The following SLC6A15 variants were observed in gnomAD, a reference collection of about 807,000 sequenced individuals.
The protein encoded by SLC6A15 is solute carrier family 6 member 15, also known as sodium-dependent neutral amino acid transporter B(0)AT2.
SLC6A15 carries 33 observed loss-of-function variants against 68.5 expected under a neutral mutation model. The ratio of observed to expected loss-of-function variants is 0.48; its 90% CI spans 0.37 to 0.64. The LOEUF (loss-of-function observed/expected upper bound fraction) is 0.64, where lower values mean the gene tolerates loss of function less well. SLC6A15 is among the 30% of genes least tolerant of loss of function. SLC6A15 has a pLI of 0.00. For synonymous variants in SLC6A15, 347 were observed against 301.0 expected (o/e 1.15, Z -1.58); for missense variants, 747 against 874.3 (o/e 0.85, Z 1.84).
intron 5 of SLC6A15, among the ~76,000 whole-genome samples, chr12:84,878,867 C>A (rs556815959): frequency 6.8e-6 from 1 of 147,826 alleles, no homozygotes; most frequent in South Asian, 2.1e-4. Flanking sequence ...AATAGCACAA[C>A]ACCTTTCAGT....
intron 5 of SLC6A15, chr12:84,881,783 C>A (rs950008626): frequency 4.3e-6 from 4 of 932,614 alleles, no homozygotes; most frequent in Admixed American, 6.2e-5. Flanking sequence ...TAGGTAAACA[C>A]AAAGCTTAAC....
intron 1 of SLC6A15, among the ~76,000 whole-genome samples, chr12:84,899,479 C>T (rs1207939163): frequency 1.3e-5 from 2 of 152,152 alleles, no homozygotes; most frequent in Non-Finnish European, 2.9e-5. Context: ...TAAATACTAC[C>T]GTAGTCATGG....
intron 1 of SLC6A15, among the ~76,000 whole-genome samples, chr12:84,902,518 AT>A (rs1872931592): frequency 6.7e-6 from 1 of 148,466 alleles, no homozygotes; most frequent in African/African-American, 2.5e-5. Flanking sequence ...TCACAGAAAA[AT>A]AAAAAAAAAC....
chr12:84,910,924 T>TCTCTCTCTCTCTCTCTC (rs1873406258), intron 1 of SLC6A15, among the ~76,000 whole-genome samples: 2 of 134,602 alleles, frequency 1.5e-5, no homozygotes, highest in Admixed American at 7.0e-5. Flanking sequence ...AGCCGCCCTC[T>TCTCTCTCTCTCTCTCTC]TTCCGTGTGT....
chr12:84,909,777 C>T (rs750285214), intron 1 of SLC6A15, among the ~76,000 whole-genome samples: 3 of 152,128 alleles, frequency 2.0e-5, no homozygotes, highest in Non-Finnish European at 2.9e-5. Context: ...TTTTGATAGC[C>T]ACCAAGCTCT....
chr12:84,895,121 T>C (rs1377010261), intron 1 of SLC6A15, among the ~76,000 whole-genome samples: 2 of 151,900 alleles, frequency 1.3e-5, no homozygotes. Context: ...TGTAGGAAGA[T>C]AGGGGAAGAA....
chr12:84,867,298 G>T, intron 9 of SLC6A15, 105 bp from the exon 10 acceptor site: 1 of 936,616 alleles, frequency 1.1e-6, no homozygotes, highest in Non-Finnish European at 1.5e-6. Context: ...TTTATAACAT[G>T]TCCATCATAT....
At chr12:84,877,950 A>G (rs1241737293) in intron 5 of SLC6A15, among the ~76,000 whole-genome samples, 1 of 152,176 alleles carries the variant, frequency 6.6e-6, no homozygotes, top group East Asian at 1.9e-4. Context: ...ACTCTATCAT[A>G]TGTATCTGTG....
At chr12:84,865,291 C>A (rs1871019401) in intron 10 of SLC6A15, among the ~76,000 whole-genome samples, 1 of 152,074 alleles carries the variant, frequency 6.6e-6, no homozygotes. Context: ...TTTTTGATTA[C>A]ACACTTTATT....
At chr12:84,909,321 C>T (rs1873329619) in intron 1 of SLC6A15, among the ~76,000 whole-genome samples, 1 of 152,100 alleles carries the variant, frequency 6.6e-6, no homozygotes, top group African/African-American at 2.4e-5. Context: ...ATAAAGTGAC[C>T]TTCAAGGCTG....
chr12:84,862,022 A>C lies in SLC6A15; in HGVS notation c.1819-16T>G. 6.4e-7 allele frequency: 1 copy of C among 1,550,498 alleles called. No homozygotes were observed. Among genetic ancestry groups the C allele is most frequent in the Non-Finnish European group, 8.7e-7 (1 of 1,153,490 alleles). On this transcript the variant is annotated splice_polypyrimidine_tract_variant and intron_variant, in intron 11 of 11. Coordinates refer to ENST00000266682, the MANE Select transcript of SLC6A15 (RefSeq NM_182767.6). ...CTTCAGATGCCTGTTAAAGAAGAAA[A>C]TAATAATTATTAGTAATCTATCTTT...
At chr12:84,887,017 A>G (rs918127419) in intron 2 of SLC6A15, among the ~76,000 whole-genome samples, 4 of 152,136 alleles carry the variant, frequency 2.6e-5, no homozygotes, top group Non-Finnish European at 5.9e-5. Flanking sequence ...ATCACTGTTC[A>G]CTGCATTCTC....
rs780684187 is a variant in SLC6A15 at position 84,861,592 on chromosome 12, T to C, written c.*40A>G. The C allele has an allele frequency of 6.6e-5, 103 of 1,549,276 alleles. No homozygotes were observed. The highest frequency in any genetic ancestry group is 8.7e-5 in the Non-Finnish European group (100 of 1,146,518). ...TCCTACTAGGGCCAATGTTCATTGG[T>C]AAAAATGAACCAAATAAAACCCACT... is the stretch of plus-strand genomic sequence containing the variant. On this transcript the variant is annotated 3_prime_UTR_variant, in exon 12 of 12. Transcript: ENST00000266682.
chr12:84,911,233 C>T (rs1873444842), intron 1 of SLC6A15, among the ~76,000 whole-genome samples: 1 of 152,162 alleles, frequency 6.6e-6, no homozygotes, highest in African/African-American at 2.4e-5. Context: ...GCTTTTACAG[C>T]ATGGGCGATG....
At chr12:84,885,003 TTTATA>T (rs1425989412) in intron 4 of SLC6A15, among the ~76,000 whole-genome samples, 1 of 151,890 alleles carries the variant, frequency 6.6e-6, no homozygotes, top group Non-Finnish European at 1.5e-5. Flanking sequence ...CTTTATAATA[TTTATA>T]TTATATTATG....
In SLC6A15 at chr12:84,902,481, A is replaced by T. The variant is rs116765930; in HGVS notation, c.-189+10042T>A. 4.4e-3 allele frequency among the ~76,000 whole-genome samples: 677 copies of T among 152,146 alleles called. 2 individuals carry two copies. Among genetic ancestry groups the T allele is most frequent in the African/African-American group, 0.016 (650 of 41,524 alleles). ...AACACTAATAAAGACTTCTCATAGT[A>T]ACCAGCAACTATATTTCAGAGATAT... On this transcript the variant is annotated intron_variant, in intron 1 of 11. Transcript: ENST00000266682.
chr12:84,883,918 A>G lies in SLC6A15; in HGVS notation c.697T>C (p.Leu233=). The G allele has an allele frequency of 6.2e-7, 1 of 1,614,158 alleles. No homozygotes were observed. The highest frequency in any genetic ancestry group is 8.5e-7 in the Non-Finnish European group (1 of 1,180,008). ...AAGCAAACCATGACCCAGGCAGCCA[A>G]CAAGCAGATGGTCATCTTCCAGTTT... ...GLNWKMTICL[L]AAWVMVCLAM... is the part of the protein sequence containing the mutation. Residue 233 remains leucine (L), a synonymous_variant, in exon 5 of 12, where the codon TTG becomes CTG. Transcript: ENST00000266682.
At chr12:84,901,417 T>C (rs757448771) in intron 1 of SLC6A15, among the ~76,000 whole-genome samples, 1 of 151,808 alleles carries the variant, frequency 6.6e-6, no homozygotes, top group African/African-American at 2.4e-5. Flanking sequence ...TCCACAGTTT[T>C]TTAAACACAT....
At chr12:84,863,277 T>C (rs1870927151) in intron 11 of SLC6A15, among the ~76,000 whole-genome samples, 162 bp downstream of exon 11, 1 of 137,518 alleles carries the variant, frequency 7.3e-6, no homozygotes, top group African/African-American at 2.9e-5. Flanking sequence ...AAAAATCACA[T>C]ATGCTCGGGG....
Sources: allele counts gnomAD v4.1 joint callset (sites outside exome capture counted in the v4.1 genomes callset), GRCh38; gene constraint gnomAD v4.1.1; transcripts MANE v1.5; gene names NCBI Gene and HGNC (gene_info 2026-07-23, HGNC 2026-07-21).